The following SPAM1 variants were observed in gnomAD, a reference collection of about 807,000 sequenced individuals.
SPAM1 encodes the protein sperm adhesion molecule 1.
SPAM1 carries 22 observed loss-of-function variants against 29.6 expected under a neutral mutation model. The ratio of observed to expected loss-of-function variants is 0.74; its 90% CI spans 0.53 to 1.06. SPAM1 has a LOEUF of 1.06. SPAM1 is among the 50% of genes least tolerant of loss of function. SPAM1 has a pLI of 0.00. For missense variants in SPAM1, 534 were observed against 604.0 expected (o/e 0.88, Z 1.21); for synonymous variants, 194 against 204.6 (o/e 0.95, Z 0.44).
chr7:123,938,386 T>G (rs1261390317), intron 1 of SPAM1, among the ~76,000 whole-genome samples: 2 of 152,204 alleles, frequency 1.3e-5, no homozygotes, highest in African/African-American at 2.4e-5. Context: ...AAGGAAAAAT[T>G]CAGTCTGCAT....
At chr7:123,941,745 G>T (rs1808435624) in intron 1 of SPAM1, among the ~76,000 whole-genome samples, 1 of 152,150 alleles carries the variant, frequency 6.6e-6, no homozygotes, top group Admixed American at 6.6e-5. Flanking sequence ...AGTGATTTGG[G>T]CGTCCTAAGG....
intron 1 of SPAM1, among the ~76,000 whole-genome samples, chr7:123,936,275 G>A (rs1437706286): frequency 2.0e-5 from 3 of 152,208 alleles, no homozygotes; most frequent in African/African-American, 7.2e-5. Context: ...CTGGGATGAG[G>A]TTTTTAAGGG....
In SPAM1 at chr7:123,959,506, A is replaced by G. The variant is rs1250353884; in HGVS notation, c.1067A>G (p.Asn356Ser). The G allele has an allele frequency of 1.2e-6, 2 of 1,606,598 alleles. No individual in the cohort carries two copies. The highest frequency in any genetic ancestry group is 1.3e-5 in the African/African-American group (1 of 74,544). ...RSMKSCLLLD[N>S]YMETILNPYI... ...CAGAAATCTTGCTTGCTCCTAGACAATTACATGGAGACTATACTGAATCCT... is the reference window on the plus strand; with the variant it reads ...CAGAAATCTTGCTTGCTCCTAGACAGTTACATGGAGACTATACTGAATCCT... Residue 356 changes from asparagine (N) to serine (S), a missense_variant, in exon 5 of 5, where the codon AAT (asparagine) becomes AGT (serine). Transcript: ENST00000682466.
At chr7:123,955,485 G>A (rs1421452439) in intron 4 of SPAM1, among the ~76,000 whole-genome samples, 2 of 151,896 alleles carry the variant, frequency 1.3e-5, no homozygotes, top group Non-Finnish European at 2.9e-5. Context: ...GAAAGCTGTT[G>A]TATGGACATT....
intron 5 of SPAM1, among the ~76,000 whole-genome samples, chr7:123,969,491 C>T (rs568319787): frequency 4.6e-5 from 7 of 152,112 alleles, no homozygotes; most frequent in South Asian, 4.2e-4. Flanking sequence ...GGTACATTCT[C>T]GTTCTTCTGC....
downstream of SPAM1, among the ~76,000 whole-genome samples, chr7:123,961,930 T>G (rs1792364738): frequency 6.6e-6 from 1 of 151,930 alleles, no homozygotes; most frequent in South Asian, 2.1e-4. Context: ...ACTTATTCAC[T>G]ACCACGAGAA....
At chr7:123,943,442 C>T (rs1584952995) in intron 1 of SPAM1, among the ~76,000 whole-genome samples, 1 of 152,234 alleles carries the variant, frequency 6.6e-6, no homozygotes, top group East Asian at 1.9e-4. Flanking sequence ...TGGCATACAA[C>T]AATTTCACAT....
intron 1 of SPAM1, among the ~76,000 whole-genome samples, chr7:123,944,753 T>TA (rs1206974577): frequency 1.3e-5 from 2 of 152,090 alleles, no homozygotes; most frequent in Admixed American, 6.6e-5. Flanking sequence ...AGAAAAAACT[T>TA]ACAGTAGCTG....
chr7:123,954,498 G>C lies in SPAM1; in HGVS notation c.928G>C (p.Asp310His). ...VFAYTRIVFT[D>H]QVLKFLSQDE... Reference sequence around the variant, plus strand: ...TGCATATACCCGCATAGTTTTTACTGATCAAGTTTTGAAATTCCTTTCTCA... The same window carrying C: ...TGCATATACCCGCATAGTTTTTACTCATCAAGTTTTGAAATTCCTTTCTCA... The change falls in exon 3 of 5, where the codon GAT becomes CAT. Residue 310 changes from aspartate to histidine, a missense_variant. Physicochemically the swap from Asp to His is moderately conservative, Grantham distance 81. Transcript: ENST00000682466. 3.1e-6 allele frequency: 5 copies of C among 1,595,402 alleles called. No homozygotes were observed. The highest frequency in any genetic ancestry group is 3.4e-6 in the Non-Finnish European group (4 of 1,166,430).
At chr7:123,970,368 C>A in intron 6 of SPAM1, 1 of 1,112,528 alleles carries the variant, frequency 9.0e-7, no homozygotes, top group Non-Finnish European at 1.3e-6. Context: ...ATAAGGACAC[C>A]AGTCATGTTG....
intron 6 of SPAM1, chr7:123,970,404 A>C: frequency 1.5e-6 from 1 of 677,344 alleles, no homozygotes; most frequent in Non-Finnish European, 2.4e-6. Flanking sequence ...TAAAGACCTC[A>C]TTTTCACTTA....
chr7:123,961,909 G>A (rs1792364259), downstream of SPAM1, among the ~76,000 whole-genome samples: 1 of 151,896 alleles, frequency 6.6e-6, no homozygotes, highest in African/African-American at 2.4e-5. Flanking sequence ...GAAATCATCA[G>A]GTCTTGAGAG....
intron 1 of SPAM1, among the ~76,000 whole-genome samples, chr7:123,948,782 T>C (rs913108062): frequency 6.6e-6 from 1 of 152,100 alleles, no homozygotes; most frequent in Non-Finnish European, 1.5e-5. Flanking sequence ...CTAAATTCAG[T>C]TCTTAATTCC....
At chr7:123,926,589 A>G (rs1807892198) in intron 1 of SPAM1, among the ~76,000 whole-genome samples, 1 of 152,182 alleles carries the variant, frequency 6.6e-6, no homozygotes, top group Non-Finnish European at 1.5e-5. Flanking sequence ...CATGTGTCCA[A>G]GGTGGTCGGG....
intron 1 of SPAM1, among the ~76,000 whole-genome samples, chr7:123,934,773 A>G (rs934535261): frequency 6.6e-6 from 1 of 152,194 alleles, no homozygotes; most frequent in Non-Finnish European, 1.5e-5. Flanking sequence ...TATATGTGGA[A>G]GCTGGAAACG....
At chr7:123,927,497 T>C (rs1807926411) in intron 1 of SPAM1, among the ~76,000 whole-genome samples, 1 of 152,116 alleles carries the variant, frequency 6.6e-6, no homozygotes, top group South Asian at 2.1e-4. Flanking sequence ...CCCTAGGAAT[T>C]TATGCAGCTG....
intron 1 of SPAM1, among the ~76,000 whole-genome samples, chr7:123,948,745 A>G (rs541826750): frequency 6.6e-6 from 1 of 152,232 alleles, no homozygotes; most frequent in Admixed American, 6.5e-5. Context: ...AAAATCTATA[A>G]CAATTTTAAT....
chr7:123,947,583 CA>C (rs1808622514), intron 1 of SPAM1: 1 of 30,376 alleles, frequency 3.3e-5, no homozygotes, highest in Admixed American at 3.3e-4. Flanking sequence ...AAACACCACA[CA>C]CACACACACA....
At chr7:123,925,735 CAA>C (rs59215674) in intron 1 of SPAM1, 70,349 of 129,416 alleles carry the variant, frequency 0.54, 17,009 homozygotes, top group African/African-American at 0.64. Flanking sequence ...GACTCTGTCA[CAA>C]AAAAAAAAAA....
Sources: allele counts gnomAD v4.1 joint callset (sites outside exome capture counted in the v4.1 genomes callset), GRCh38; gene constraint gnomAD v4.1.1; transcripts MANE v1.5; gene names NCBI Gene and HGNC (gene_info 2026-07-23, HGNC 2026-07-21).